ZNF516: variants seen among roughly 807,000 people sequenced by gnomAD.
The protein encoded by ZNF516 is zinc finger protein 516.
A neutral mutation model predicts 79.7 loss-of-function variants in ZNF516; 19 were observed. The ratio of observed to expected loss-of-function variants is 0.24; its 90% CI spans 0.17 to 0.35. ZNF516 has a LOEUF of 0.35. Among genes scored for constraint, ZNF516 ranks in the 10% least tolerant of loss-of-function variants. The pLI is 1.00. For synonymous variants in ZNF516, 877 were observed against 739.5 expected (o/e 1.19, Z -3.02); for missense variants, 1,678 against 1,679.5 (o/e 1.00, Z 0.02).
Position 76,451,621 on chromosome 18 carries a change from G to A in ZNF516, c.-157-8410C>T, listed in dbSNP as rs1912419859. On this transcript the variant is annotated intron_variant, in intron 2 of 6. Transcript: ENST00000443185. The surrounding 1 kb of genome is among the most constrained non-coding windows in gnomAD (Gnocchi z 6.0). Reference sequence around the variant, plus strand: ...GTTGGTCCCGGCCACAGCTACTACGGGGTCGGCGCAGAAGCCCGTGCGTGT... The same window carrying A: ...GTTGGTCCCGGCCACAGCTACTACGAGGTCGGCGCAGAAGCCCGTGCGTGT... Among the ~76,000 whole-genome samples the A allele has an allele frequency of 1.3e-5, 2 of 152,328 alleles. No individual in the cohort carries two copies. The highest frequency in any genetic ancestry group is 4.8e-5 in the African/African-American group (2 of 41,578).
At chr18:76,453,267 ATAGT>A (rs1473902911) in intron 2 of ZNF516, among the ~76,000 whole-genome samples, 1 of 152,210 alleles carries the variant, frequency 6.6e-6, no homozygotes, top group Admixed American at 6.5e-5. Flanking sequence ...CATTGCTAGT[ATAGT>A]TAATGATCTT....
At chr18:76,456,417 A>G (rs958668999) in intron 2 of ZNF516, among the ~76,000 whole-genome samples, 20 of 152,218 alleles carry the variant, frequency 1.3e-4, no homozygotes. Flanking sequence ...ACTGTCATCC[A>G]CTTAGCTGGT....
At chr18:76,470,922 A>G (rs1359140579) in intron 1 of ZNF516, among the ~76,000 whole-genome samples, 2 of 152,302 alleles carry the variant, frequency 1.3e-5, no homozygotes, top group East Asian at 3.9e-4. Context: ...GAGCCTGAGA[A>G]AAAGAAAAAA....
intron 3 of ZNF516, among the ~76,000 whole-genome samples, chr18:76,415,487 T>C (rs1192615313): frequency 6.6e-6 from 1 of 152,146 alleles, no homozygotes; most frequent in Non-Finnish European, 1.5e-5. Flanking sequence ...TGGATGTATA[T>C]TCCATGATCA....
intron 1 of ZNF516, among the ~76,000 whole-genome samples, chr18:76,479,575 G>A (rs968272475): frequency 1.3e-5 from 2 of 152,226 alleles, no homozygotes; most frequent in Non-Finnish European, 2.9e-5. Context: ...TAACGGGCCA[G>A]AAGTCACACC....
rs371773104 is a variant in ZNF516 at position 76,384,607 on chromosome 18, A to AC, written c.1811-4305dup. Reference sequence around the variant, plus strand: ...TCCCTCTCCACAGCTCCCATCCCCCACCCCCCCTACAGTTGGGACCTGGCG... The same window carrying AC: ...TCCCTCTCCACAGCTCCCATCCCCCACCCCCCCCTACAGTTGGGACCTGGCG... On this transcript the variant is annotated intron_variant, in intron 3 of 6. Coordinates refer to ENST00000443185, the MANE Select transcript of ZNF516 (RefSeq NM_014643.4). Among the ~76,000 whole-genome samples, 123 of 57,740 alleles carry AC rather than the reference A, an allele frequency of 2.1e-3. 2 individuals are homozygous for AC. In the South Asian group the frequency reaches 0.022, roughly 10 times the overall value. The allele number at this position is 57,740 out of a possible 152,430, so 37.9% of individuals were successfully genotyped here.
At chr18:76,369,216 T>G (rs964476260) in intron 6 of ZNF516, among the ~76,000 whole-genome samples, 1 of 152,244 alleles carries the variant, frequency 6.6e-6, no homozygotes, top group African/African-American at 2.4e-5. Context: ...GTCATACACT[T>G]GGAAATCTTT....
chr18:76,489,298 C>CAT (rs1437905681), intron 1 of ZNF516, among the ~76,000 whole-genome samples: 1 of 152,216 alleles, frequency 6.6e-6, no homozygotes, highest in African/African-American at 2.4e-5. Context: ...GTCACATTAT[C>CAT]ATTTTTCCCC....
chr18:76,442,633 T>C lies in ZNF516; in HGVS notation c.422A>G (p.Asn141Ser), dbSNP rs755061423. 1.3e-6 allele frequency: 2 copies of C among 1,594,194 alleles called. No individual in the cohort carries two copies. Among genetic ancestry groups the C allele is most frequent in the East Asian group, 2.2e-5 (1 of 44,546 alleles). Residue 141 changes from asparagine (N) to serine (S), a missense_variant, in exon 3 of 7, where the codon AAC becomes AGC. Transcript: ENST00000443185. Reference sequence around the variant, plus strand: ...GCCGCTGTCGGCCTGCGAGGCCCCGTTCAGGACCCTGGCGCCGTCGGCCTG... The same window carrying C: ...GCCGCTGTCGGCCTGCGAGGCCCCGCTCAGGACCCTGGCGCCGTCGGCCTG... ...ASQADGARVL[N>S]GASQADSGRV...
chr18:76,483,058 T>C (rs1297169202), intron 1 of ZNF516, among the ~76,000 whole-genome samples: 1 of 152,104 alleles, frequency 6.6e-6, no homozygotes, highest in African/African-American at 2.4e-5. Context: ...AGAAAAGAAA[T>C]CTAGGGTGTT....
intron 3 of ZNF516, chr18:76,388,830 T>A (rs375224278): frequency 6.6e-6 from 1 of 152,284 alleles, no homozygotes; most frequent in East Asian, 1.9e-4. Context: ...AACAGAAGCA[T>A]CCTCAGCAAC....
chr18:76,371,420 C>A (rs1568232545), intron 5 of ZNF516, 47 bp downstream of exon 5: 1 of 1,535,912 alleles, frequency 6.5e-7, no homozygotes, highest in Non-Finnish European at 8.8e-7. Context: ...AGAAGAGACC[C>A]CTCTTCCTCT....
chr18:76,448,175 A>T (rs1912176354), intron 2 of ZNF516, among the ~76,000 whole-genome samples: 1 of 152,218 alleles, frequency 6.6e-6, no homozygotes, highest in Non-Finnish European at 1.5e-5. Flanking sequence ...CCATGTAAAC[A>T]TCAAAAACAT....
In ZNF516 at chr18:76,413,418, G is replaced by A. The variant is rs530091221; in HGVS notation, c.1810+27827C>T. ...CCTAGCAGCACCACACCCAACAGAC[G>A]TCTGTTCAATCAATCAATCGATAGA... On this transcript the variant is annotated intron_variant, in intron 3 of 6. Transcript: ENST00000443185. Among the ~76,000 whole-genome samples the A allele has an allele frequency of 5.3e-5, 8 of 152,118 alleles. No homozygotes were observed. In the South Asian group the frequency reaches 6.2e-4, roughly 12 times the overall value.
chr18:76,375,522 A>G (rs1283508988), intron 4 of ZNF516, among the ~76,000 whole-genome samples: 1 of 151,036 alleles, frequency 6.6e-6, no homozygotes, highest in African/African-American at 2.4e-5. Context: ...GGATGGACGC[A>G]GAAGGTCCTG....
intron 1 of ZNF516, among the ~76,000 whole-genome samples, chr18:76,466,753 G>T (rs536636634): frequency 1.3e-5 from 2 of 152,352 alleles, no homozygotes; most frequent in East Asian, 3.9e-4. Flanking sequence ...GTAGAGAAGG[G>T]ACCCTGGACA....
chr18:76,399,304 T>C (rs2075187105), intron 3 of ZNF516, among the ~76,000 whole-genome samples: 1 of 152,260 alleles, frequency 6.6e-6, no homozygotes, highest in Non-Finnish European at 1.5e-5. Context: ...CAATGCATCC[T>C]TTTGATCTGC....
Position 76,379,775 on chromosome 18 carries a change from C to A in ZNF516, c.2339G>T (p.Arg780Leu). Residue 780 changes from arginine (R) to leucine (L), a missense_variant, in exon 4 of 7, where the codon CGC becomes CTC. By Grantham distance (102) the Arg-to-Leu change is moderately radical. Transcript: ENST00000443185. ...YYPEVLWMHK[R>L]IWHRVSCNSV... Reference sequence around the variant, plus strand: ...GTTGCAGCTGACGCGGTGCCAGATGCGTTTGTGCATCCACAGGACCTCGGG... The same window carrying A: ...GTTGCAGCTGACGCGGTGCCAGATGAGTTTGTGCATCCACAGGACCTCGGG... 6.2e-7 allele frequency: 1 copy of A among 1,613,876 alleles called. No homozygotes were observed. The highest frequency in any genetic ancestry group is 8.5e-7 in the Non-Finnish European group (1 of 1,179,854).
chr18:76,398,734 T>A (rs895920927), intron 3 of ZNF516, among the ~76,000 whole-genome samples: 2 of 152,214 alleles, frequency 1.3e-5, no homozygotes, highest in Middle Eastern at 3.4e-3. Context: ...TAGGAGGGAG[T>A]AAGTCTCAGG....
Sources: allele counts gnomAD v4.1 joint callset (sites outside exome capture counted in the v4.1 genomes callset), GRCh38; gene constraint gnomAD v4.1.1; non-coding constraint Gnocchi (gnomAD v3.1); transcripts MANE v1.5; gene names NCBI Gene and HGNC (gene_info 2026-07-23, HGNC 2026-07-21).